ARMH4: variants seen among roughly 807,000 people sequenced by gnomAD.
ARMH4 encodes armadillo like helical domain containing 4, also known as armadillo-like helical domain-containing protein 4.
In ARMH4, 49 loss-of-function variants were observed where a neutral mutation model predicts 61.9. The ratio of observed to expected loss-of-function variants is 0.79; its 90% confidence interval spans 0.63 to 1.00. The LOEUF (loss-of-function observed/expected upper bound fraction) is 1.00. Ranked by LOEUF, ARMH4 falls within the 50% of genes least tolerant of loss-of-function variation. The probability of loss-of-function intolerance (pLI) is 0.00; values close to 1 mark genes in which losing one functional copy is unlikely to be tolerated. For missense variants in ARMH4, 934 were observed against 930.0 expected (o/e 1.00, Z -0.06); for synonymous variants, 368 against 341.5 (o/e 1.08, Z -0.85).
chr14:58,045,518 G>A (rs1360620428), intron 5 of ARMH4, among the ~76,000 whole-genome samples: 7 of 151,758 alleles, frequency 4.6e-5, no homozygotes, highest in Non-Finnish European at 7.4e-5. Flanking sequence ...TGTAAATGAC[G>A]AGTTAATGGG....
intron 1 of ARMH4, among the ~76,000 whole-genome samples, 168 bp downstream of exon 1, chr14:58,151,907 C>G (rs1186817814): frequency 1.3e-5 from 2 of 152,276 alleles, no homozygotes; most frequent in South Asian, 2.1e-4. Flanking sequence ...CACCGCGCTC[C>G]GGAGGAGGAT....
chr14:58,065,025 C>T (rs925756385), intron 5 of ARMH4, among the ~76,000 whole-genome samples: 2 of 152,110 alleles, frequency 1.3e-5, no homozygotes, highest in African/African-American at 4.8e-5. Context: ...GGGCAGATCA[C>T]GAGGCCAAGA....
intron 5 of ARMH4, among the ~76,000 whole-genome samples, chr14:58,019,032 T>C (rs752049799): frequency 2.6e-5 from 4 of 152,050 alleles, no homozygotes; most frequent in Non-Finnish European, 2.9e-5. Context: ...GAAAGACAAA[T>C]ATCGCACAAT....
Position 58,012,155 on chromosome 14 carries a change from G to T in ARMH4, c.2090-5C>A. The T allele has an allele frequency of 7.4e-7, 1 of 1,346,776 alleles. No individual in the cohort carries two copies. Among genetic ancestry groups the T allele is most frequent in the Non-Finnish European group, 1.0e-6 (1 of 965,594 alleles). 83.4% of individuals were successfully genotyped at this position (1,346,776 alleles called of 1,614,324 possible). On this transcript the variant is annotated splice_region_variant and splice_polypyrimidine_tract_variant and intron_variant, in intron 5 of 7. Transcript: ENST00000267485. ...ATTTTTCCATCCAGCTTCTCACTAGGAAAAAAATAAGATAATAAAATGAAA... is the reference window on the plus strand; with the variant it reads ...ATTTTTCCATCCAGCTTCTCACTAGTAAAAAAATAAGATAATAAAATGAAA...
rs1193061960 is a variant in ARMH4, at chr14:58,096,896, A to G, written c.1917T>C (p.Asp639=). 2.5e-6 allele frequency: 4 copies of G among 1,614,122 alleles called. No individual in the cohort carries two copies. Among genetic ancestry groups the G allele is most frequent in the Non-Finnish European group, 1.7e-6 (2 of 1,179,994 alleles). Residue 639 remains aspartate, a synonymous_variant, in exon 5 of 8, where the codon GAT becomes GAC. Transcript: ENST00000267485. ...CCAAGCCCTCATCCAGCGAGTCTGC[A>G]TCTTTATCTTCCTCATCTTCTTCCT... ...EDEEEDEEDK[D]ADSLDEGLDG...
chr14:58,094,785 G>A (rs959590433), intron 5 of ARMH4, among the ~76,000 whole-genome samples: 1 of 152,216 alleles, frequency 6.6e-6, no homozygotes, highest in South Asian at 2.1e-4. Context: ...GTTGAGGACT[G>A]GAGGAGGGAT....
At chr14:58,122,330 A>G (rs914346160) in intron 4 of ARMH4, among the ~76,000 whole-genome samples, 15 of 152,338 alleles carry the variant, frequency 9.8e-5, no homozygotes, top group African/African-American at 2.4e-4. Flanking sequence ...GAAGAAGCCT[A>G]TGAATTATTC....
intron 2 of ARMH4, 62 bp downstream of exon 2, chr14:58,137,927 TA>T (rs901977663): frequency 2.1e-3 from 2,623 of 1,249,882 alleles, no homozygotes; most frequent in Non-Finnish European, 2.3e-3. Flanking sequence ...AAATTGCCAT[TA>T]AAAAAAAAAT....
At chr14:58,134,880 C>G (rs929232576) in intron 2 of ARMH4, among the ~76,000 whole-genome samples, 1 of 150,506 alleles carries the variant, frequency 6.6e-6, no homozygotes, top group Non-Finnish European at 1.5e-5. Context: ...TTGCCTGAAC[C>G]CAGGAGGCGG....
intron 5 of ARMH4, among the ~76,000 whole-genome samples, chr14:58,021,644 C>T (rs1174674733): frequency 6.6e-6 from 1 of 152,154 alleles, no homozygotes; most frequent in Non-Finnish European, 1.5e-5. Flanking sequence ...AATTATCCAT[C>T]ACAGAGTGAG....
At chr14:58,011,671 T>C (rs552562958) in intron 6 of ARMH4, among the ~76,000 whole-genome samples, 28 of 151,998 alleles carry the variant, frequency 1.8e-4, no homozygotes, top group African/African-American at 6.5e-4. Flanking sequence ...AGAAAATCTT[T>C]ATCTGTAGTT....
intron 4 of ARMH4, 112 bp from the exon 5 acceptor site, chr14:58,097,093 A>G (rs896921327): frequency 1.7e-6 from 2 of 1,175,380 alleles, no homozygotes; most frequent in Non-Finnish European, 2.4e-6. Context: ...GGCCTTTTGA[A>G]ACACATCTTT....
In ARMH4 at chr14:58,139,053, C is replaced by A. The variant is rs150227777; in HGVS notation, c.306G>T (p.Gly102=). 2.3e-5 allele frequency: 37 copies of A among 1,614,198 alleles called. No homozygotes were observed. The African/African-American group carries it at 4.5e-4, about 20-fold the overall frequency. The part of the protein sequence containing the change: ...INKETQPGQA[G]LMQTERPGVS... Reference sequence around the variant, plus strand: ...CACCAGGGCGTTCTGTTTGCATGAGCCCAGCTTGTCCAGGCTGGGTTTCTT... The same window carrying A: ...CACCAGGGCGTTCTGTTTGCATGAGACCAGCTTGTCCAGGCTGGGTTTCTT... The change falls in exon 2 of 8, where the codon GGG becomes GGT. Residue 102 remains glycine, a synonymous_variant. Transcript: ENST00000267485.
intron 4 of ARMH4, among the ~76,000 whole-genome samples, chr14:58,105,762 A>T (rs1260455638): frequency 1.3e-5 from 2 of 152,176 alleles, no homozygotes; most frequent in Admixed American, 1.3e-4. Context: ...AACATGTCCT[A>T]TGTCAATAAC....
At chr14:58,150,842 G>A (rs1887897150) in intron 1 of ARMH4, among the ~76,000 whole-genome samples, 1 of 152,188 alleles carries the variant, frequency 6.6e-6, no homozygotes, top group Non-Finnish European at 1.5e-5. Flanking sequence ...TGAAACCTTA[G>A]CCGGTTGTGT....
chr14:58,121,594 C>T (rs1397282288), intron 4 of ARMH4, among the ~76,000 whole-genome samples: 5 of 152,286 alleles, frequency 3.3e-5, no homozygotes, highest in African/African-American at 7.2e-5. Context: ...TATTAGCAAA[C>T]GTGATGAACA....
chr14:58,031,592 TA>T (rs1182355507), intron 5 of ARMH4, among the ~76,000 whole-genome samples: 1 of 152,214 alleles, frequency 6.6e-6, no homozygotes, highest in Non-Finnish European at 1.5e-5. Context: ...TGCGAGGTTT[TA>T]TACTCCCAGA....
At chr14:58,018,219 A>AT (rs1882685530) in intron 5 of ARMH4, among the ~76,000 whole-genome samples, 1 of 152,166 alleles carries the variant, frequency 6.6e-6, no homozygotes, top group Non-Finnish European at 1.5e-5. Flanking sequence ...CATGGCAATG[A>AT]TTTTTTGGCT....
intron 4 of ARMH4, among the ~76,000 whole-genome samples, chr14:58,130,540 T>C (rs1887057720): frequency 6.6e-6 from 1 of 152,248 alleles, no homozygotes; most frequent in South Asian, 2.1e-4. Flanking sequence ...GGACATTTTG[T>C]ATCTCCAGCC....
Sources: allele counts gnomAD v4.1 joint callset (sites outside exome capture counted in the v4.1 genomes callset), GRCh38; gene constraint gnomAD v4.1.1; transcripts MANE v1.5; gene names NCBI Gene and HGNC (gene_info 2026-07-23, HGNC 2026-07-21).